Variants in DNAJB12 observed in about 807,000 individuals in gnomAD.
DNAJB12 encodes dnaJ homolog subfamily B member 12.
DNAJB12 carries 14 observed loss-of-function variants against 40.6 expected under a neutral mutation model. The ratio of observed to expected loss-of-function variants is 0.34; its 90% CI spans 0.23 to 0.54. DNAJB12 has a LOEUF of 0.54. Ranked by LOEUF, DNAJB12 falls within the 20% of genes least tolerant of loss-of-function variation. The pLI is 0.92. For synonymous variants in DNAJB12, 181 were observed against 199.5 expected, an observed-to-expected ratio of 0.91 and a Z score of 0.78; for missense variants, 444 against 501.7, an observed-to-expected ratio of 0.89 and a Z score of 1.10.
intron 5 of DNAJB12, 50 bp downstream of exon 5, chr10:72,340,739 G>A (rs1239272167): frequency 1.8e-5 from 28 of 1,577,120 alleles, no homozygotes; most frequent in Non-Finnish European, 2.3e-5. Context: ...CCCTCCCTGG[G>A]GTGGATTTGG....
chr10:72,347,924 A>G (rs1431860254), intron 1 of DNAJB12, among the ~76,000 whole-genome samples: 2 of 148,240 alleles, frequency 1.3e-5, no homozygotes, highest in Non-Finnish European at 3.0e-5. Context: ...GAAAAACAAA[A>G]ACAAAAACAA....
intron 1 of DNAJB12, among the ~76,000 whole-genome samples, chr10:72,351,269 T>A (rs1373645046): frequency 6.6e-6 from 1 of 152,204 alleles, no homozygotes; most frequent in Admixed American, 6.5e-5. Flanking sequence ...GTCTGTGACC[T>A]CCCAGCTTAG....
intron 6 of DNAJB12, among the ~76,000 whole-genome samples, chr10:72,337,173 T>G (rs2131979798): frequency 6.6e-6 from 1 of 152,282 alleles, no homozygotes; most frequent in Middle Eastern, 3.4e-3. Flanking sequence ...CTGTCAGCTG[T>G]GGGAAGAGCC....
rs758126056 is a variant in DNAJB12 at position 72,335,837 on chromosome 10, T to C, written c.1101A>G (p.Ser367=). The change falls in exon 8 of 9, where the codon TCA becomes TCG. Residue 367 remains serine (S), a synonymous_variant. Coordinates refer to ENST00000444643, the MANE Select transcript of DNAJB12 (RefSeq NM_017626.7). This position sits in a 1 kb window ranked among gnomAD's most constrained non-coding sequence, Gnocchi z 4.4. The part of the protein sequence containing the change: ...KMGTPSCSRL[S]EVQASLHG ...ATCCATGCAGGGAGGCCTGCACCTC[T>C]GACAGTCGGCTGCAGCTGGGGGTGC... 1 of 1,614,182 alleles carries C rather than the reference T, an allele frequency of 6.2e-7. No individual in the cohort carries two copies. The highest frequency in any genetic ancestry group is 1.7e-5 in the Admixed American group (1 of 60,028).
At chr10:72,342,952 A>G (rs572728776) in intron 3 of DNAJB12, among the ~76,000 whole-genome samples, 11 of 152,300 alleles carry the variant, frequency 7.2e-5, no homozygotes, top group African/African-American at 2.2e-4. Context: ...GGTGGCCACC[A>G]GGCCTGAGGC....
In DNAJB12 at chr10:72,343,306, C is replaced by T. The variant is rs1023853974; in HGVS notation, c.457+60G>A. On this transcript the variant is annotated intron_variant, in intron 3 of 8. Transcript: ENST00000444643. ...CTGGGAAAGCTGTCTTGGTCCCTTACTCCCTGCCATGGACAGGAGATGAAC... is the reference window on the plus strand; with the variant it reads ...CTGGGAAAGCTGTCTTGGTCCCTTATTCCCTGCCATGGACAGGAGATGAAC... The T allele has an allele frequency of 9.3e-5, 145 of 1,565,410 alleles. 2 individuals carry two copies. In the South Asian group the frequency reaches 1.5e-3, roughly 16 times the overall value.
rs562581779 is a variant in DNAJB12, at chr10:72,351,684, G to A, written c.133+3081C>T. ...GCCTTTGCCTGTGGGCTCAGGGCAG[G>A]TGTTGCCTGCCATTGTGCCTGCAGC... On this transcript the variant is annotated intron_variant, in intron 1 of 8. Transcript: ENST00000444643. Among the ~76,000 whole-genome samples the A allele has an allele frequency of 2.6e-5, 4 of 152,320 alleles. No individual in the cohort carries two copies. The East Asian group carries it at 5.8e-4, about 22-fold the overall frequency.
chr10:72,339,439 CAGG>C (rs1760128972), intron 5 of DNAJB12, among the ~76,000 whole-genome samples: 1 of 151,694 alleles, frequency 6.6e-6, no homozygotes, highest in Non-Finnish European at 1.5e-5. Flanking sequence ...GAGCCTGAGA[CAGG>C]AGAATCACTT....
At chr10:72,342,074 G>A (rs530030420) in intron 3 of DNAJB12, among the ~76,000 whole-genome samples, 36 of 152,316 alleles carry the variant, frequency 2.4e-4, no homozygotes, top group African/African-American at 8.4e-4. Flanking sequence ...ATTGTGAACT[G>A]GAAAGCAGCA....
Position 72,343,390 on chromosome 10 carries a change from G to C in DNAJB12, c.433C>G (p.Pro145Ala), listed in dbSNP as rs1861690470. Residue 145 changes from proline to alanine, a missense_variant, in exon 3 of 9, where the codon CCT (proline) becomes GCT (alanine). Physicochemically the swap from Pro to Ala is conservative, Grantham distance 27. Coordinates refer to ENST00000444643, the MANE Select transcript of DNAJB12 (RefSeq NM_017626.7). ...CCTTTGAAGGCTTCAGTGGCACCAGGTGCGTGGTTCTTGTCTGGGTGGAAT... is the reference window on the plus strand; with the variant it reads ...CCTTTGAAGGCTTCAGTGGCACCAGCTGCGTGGTTCTTGTCTGGGTGGAAT... ...LKFHPDKNHA[P>A]GATEAFKAIG... The C allele has an allele frequency of 6.2e-7, 1 of 1,613,786 alleles. No homozygotes were observed. The highest frequency in any genetic ancestry group is 8.5e-7 in the Non-Finnish European group (1 of 1,179,902).
chr10:72,354,453 AGTTCACT>A, intron 1 of DNAJB12: 1 of 344,900 alleles, frequency 2.9e-6, no homozygotes, highest in Non-Finnish European at 5.4e-6. Flanking sequence ...AAGTAGTTCG[AGTTCACT>A]TCCAGGTAAG....
chr10:72,344,914 GTC>G (rs765229606), intron 2 of DNAJB12, 34 bp downstream of exon 2: 3 of 1,612,260 alleles, frequency 1.9e-6, no homozygotes, highest in Admixed American at 1.7e-5. Flanking sequence ...GATTTCCCCA[GTC>G]TCCCCAGGCT....
Position 72,334,691 on chromosome 10 carries a change from A to G in DNAJB12, c.*31-74T>C, listed in dbSNP as rs2131974906. The G allele has an allele frequency of 2.0e-6, 3 of 1,487,156 alleles. No homozygotes were observed. The Admixed American group carries it at 7.3e-5, about 36-fold the overall frequency. The allele number at this position is 1,487,156 out of a possible 1,614,324, so 92.1% of individuals were successfully genotyped here. A position where few individuals can be genotyped will look rare whatever the true frequency, so the allele number is the denominator to read the frequency against. On this transcript the variant is annotated intron_variant, in intron 8 of 8. Transcript: ENST00000444643. ...CTCCTCTAGCTTATGCCACACAAGTAGCCCCCCTTGCCACTGCACCGCTGC... is the reference window on the plus strand; with the variant it reads ...CTCCTCTAGCTTATGCCACACAAGTGGCCCCCCTTGCCACTGCACCGCTGC...
At chr10:72,338,139 T>G (rs888910523) in intron 6 of DNAJB12, 63 bp downstream of exon 6, 1 of 1,420,142 alleles carries the variant, frequency 7.0e-7, no homozygotes, top group African/African-American at 1.4e-5. Flanking sequence ...AGAAGGCCCC[T>G]GATGGGGCTG....
chr10:72,342,793 A>G (rs958115949), intron 3 of DNAJB12, among the ~76,000 whole-genome samples: 4 of 152,238 alleles, frequency 2.6e-5, no homozygotes, highest in African/African-American at 9.6e-5. Context: ...ATGAAAATGT[A>G]ATGAATAAAG....
chr10:72,348,870 T>C (rs1452292136), intron 1 of DNAJB12, among the ~76,000 whole-genome samples: 1 of 152,144 alleles, frequency 6.6e-6, no homozygotes, highest in Non-Finnish European at 1.5e-5. Flanking sequence ...ACAGCAGCCT[T>C]AGAAGGAAGG....
rs752755870 is a variant in DNAJB12, at chr10:72,342,619, G to A, written c.457+747C>T. ...GTGGGTGCAGCACAGCACACACCCC[G>A]CCCAGGCCAGTGGGGGCTAGTCACC... On this transcript the variant is annotated intron_variant, in intron 3 of 8. Coordinates refer to ENST00000444643, the MANE Select transcript of DNAJB12 (RefSeq NM_017626.7). Among the ~76,000 whole-genome samples the A allele has an allele frequency of 3.3e-5, 5 of 152,182 alleles. No homozygotes were observed. The South Asian group carries it at 1.0e-3, about 32-fold the overall frequency.
rs1861611913 is a variant in DNAJB12 at position 72,340,775 on chromosome 10, C to A, written c.723+14G>T. ...TGCCCTTCCCGCGCTGTCCCTGGCG[C>A]CCTCCTCACTCACATCACCCTGGTT... On this transcript the variant is annotated intron_variant, in intron 5 of 8. Transcript: ENST00000444643. 3 of 1,613,242 alleles carry A rather than the reference C, an allele frequency of 1.9e-6. No individual in the cohort carries two copies. The highest frequency in any genetic ancestry group is 4.5e-5 in the East Asian group (2 of 44,866).
intron 1 of DNAJB12, 54 bp from the exon 2 acceptor site, chr10:72,345,181 T>C: frequency 6.5e-7 from 1 of 1,547,740 alleles, no homozygotes; most frequent in Non-Finnish European, 8.7e-7. Flanking sequence ...GCTGCGTGCC[T>C]CGCCGAGCGG....
Sources: allele counts gnomAD v4.1 joint callset (sites outside exome capture counted in the v4.1 genomes callset), GRCh38; gene constraint gnomAD v4.1.1; non-coding constraint Gnocchi (gnomAD v3.1); transcripts MANE v1.5; gene names NCBI Gene and HGNC (gene_info 2026-07-23, HGNC 2026-07-21).